Variants in CSMD1 observed in about 807,000 individuals in gnomAD.
The protein encoded by CSMD1 is CUB and sushi domain-containing protein 1.
CSMD1 carries 213 observed loss-of-function variants against 417.5 expected under a neutral mutation model. The ratio of observed to expected loss-of-function variants is 0.51; its 90% confidence interval spans 0.46 to 0.57. CSMD1 has a LOEUF of 0.57. Ranked by LOEUF, CSMD1 falls within the 20% of genes least tolerant of loss-of-function variation. The pLI is 0.00. For missense variants in CSMD1, 6,923 were observed against 4,529.7 expected, an observed-to-expected ratio of 1.53 and a Z score of -15.17; for synonymous variants, 2,862 against 1,736.8, an observed-to-expected ratio of 1.65 and a Z score of -16.11.
At chr8:3,592,366 A>C (rs2449177) in intron 8 of CSMD1, among the ~76,000 whole-genome samples, 1 of 152,156 alleles carries the variant, frequency 6.6e-6, no homozygotes, top group African/African-American at 2.4e-5. Context: ...GTAGGCATTT[A>C]AACATTTTTG....
At chr8:3,067,096 G>C (rs1323140161) in intron 49 of CSMD1, among the ~76,000 whole-genome samples, 1 of 151,898 alleles carries the variant, frequency 6.6e-6, no homozygotes, top group Admixed American at 6.6e-5. Flanking sequence ...CACAGAACAA[G>C]AGGTCAATAC....
At chr8:2,940,010 C>G (rs1485485924) in intron 69 of CSMD1, among the ~76,000 whole-genome samples, 4 of 152,192 alleles carry the variant, frequency 2.6e-5, no homozygotes, top group Admixed American at 1.3e-4. Flanking sequence ...AGAAGGCTGT[C>G]AGCACCTTGG....
At chr8:3,915,427 A>AAAAG (rs1808751508) in intron 5 of CSMD1, among the ~76,000 whole-genome samples, 1 of 145,786 alleles carries the variant, frequency 6.9e-6, no homozygotes, top group South Asian at 2.2e-4. Flanking sequence ...AAAAAAAAAA[A>AAAAG]AGAGTTTAGC....
intron 3 of CSMD1, among the ~76,000 whole-genome samples, chr8:4,294,793 C>G (rs531859582): frequency 1.5e-4 from 22 of 151,662 alleles, no homozygotes; most frequent in African/African-American, 4.6e-4. Context: ...AAATAAAAAC[C>G]TGGAAAAAAG....
intron 1 of CSMD1, among the ~76,000 whole-genome samples, chr8:4,778,427 T>C (rs1796982492): frequency 1.3e-5 from 2 of 152,216 alleles, no homozygotes; most frequent in African/African-American, 4.8e-5. Context: ...GGTGGTAATT[T>C]GAAGTACCTG....
chr8:3,204,306 C>G (rs934756066), intron 31 of CSMD1, among the ~76,000 whole-genome samples: 2 of 151,786 alleles, frequency 1.3e-5, no homozygotes, highest in Admixed American at 1.3e-4. Context: ...AATATGGCTG[C>G]TAAATTCCAT....
intron 4 of CSMD1, among the ~76,000 whole-genome samples, chr8:4,002,155 C>G (rs897324655): frequency 3.9e-5 from 6 of 151,984 alleles, no homozygotes; most frequent in South Asian, 2.1e-4. Context: ...GCTTAAATCA[C>G]AGAAAATCTT....
At chr8:3,742,414 G>A (rs1453365275) in intron 6 of CSMD1, among the ~76,000 whole-genome samples, 2 of 152,182 alleles carry the variant, frequency 1.3e-5, no homozygotes, top group East Asian at 1.9e-4. Flanking sequence ...CCTGCAGAAA[G>A]AGTCAGTAAA....
intron 2 of CSMD1, among the ~76,000 whole-genome samples, chr8:4,525,013 G>C (rs932533393): frequency 1.3e-5 from 2 of 152,066 alleles, no homozygotes; most frequent in Admixed American, 1.3e-4. Flanking sequence ...AATAATTGCA[G>C]TTTATATTTT....
intron 5 of CSMD1, among the ~76,000 whole-genome samples, chr8:3,900,905 C>T (rs140694709): frequency 6.0e-4 from 91 of 152,326 alleles, no homozygotes; most frequent in Middle Eastern, 3.4e-3. Context: ...GATCTGAGTC[C>T]TCGTGCATCC....
intron 6 of CSMD1, among the ~76,000 whole-genome samples, chr8:3,726,729 G>C (rs961423742): frequency 2.0e-5 from 3 of 152,172 alleles, no homozygotes; most frequent in African/African-American, 4.8e-5. Flanking sequence ...TTGAATACCA[G>C]AGGGAACTTG....
chr8:4,663,043 G>T (rs1189584390), intron 1 of CSMD1, among the ~76,000 whole-genome samples: 1 of 152,128 alleles, frequency 6.6e-6, no homozygotes, highest in Non-Finnish European at 1.5e-5. Flanking sequence ...TTCCAGCCCA[G>T]AGCTGACTAA....
At chr8:3,010,418 T>G (rs181131390) in intron 52 of CSMD1, among the ~76,000 whole-genome samples, 408 of 152,300 alleles carry the variant, frequency 2.7e-3, no homozygotes, top group African/African-American at 9.4e-3. Context: ...GTGTCAGAGT[T>G]ATCAGATCTT....
At chr8:4,146,594 A>ATTTTTTTTTTTTTTTTTTTTTTTTTT (rs71205423) in intron 3 of CSMD1, among the ~76,000 whole-genome samples, 1 of 64,244 alleles carries the variant, frequency 1.6e-5, no homozygotes, top group Non-Finnish European at 2.6e-5. Context: ...ATATGGACAC[A>ATTTTTTTTTTTTTTTTTTTTTTTTTT]TTTTTTTTTT....
chr8:3,018,346 G>A (rs1017819943), intron 52 of CSMD1, 131 bp downstream of exon 52: 2 of 748,376 alleles, frequency 2.7e-6, no homozygotes, highest in Non-Finnish European at 4.2e-6. Flanking sequence ...AAATCACACT[G>A]GGAGGTGCAG....
rs75234842 is a variant in CSMD1, at chr8:4,686,819, G to A, written c.86-49261C>T. 2.0e-5 allele frequency among the ~76,000 whole-genome samples: 3 copies of A among 152,202 alleles called. No individual in the cohort carries two copies. In the South Asian group the frequency reaches 6.2e-4, roughly 31 times the overall value. ...CATTTGAAAGGTTAGAACCATGAAA[G>A]CCTCAAGATGCAATGAGCTGCAGGG... On this transcript the variant is annotated intron_variant, in intron 1 of 69. Coordinates refer to ENST00000635120, the MANE Select transcript of CSMD1 (RefSeq NM_033225.6).
intron 7 of CSMD1, among the ~76,000 whole-genome samples, chr8:3,618,747 T>C (rs1049609009): frequency 1.3e-5 from 2 of 152,076 alleles, no homozygotes; most frequent in African/African-American, 4.8e-5. Context: ...AAATGCCCAA[T>C]GAAGAAAAAG....
Position 4,042,650 on chromosome 8 carries a change from G to C in CSMD1, c.416-10551C>G, listed in dbSNP as rs191512889. On this transcript the variant is annotated intron_variant, in intron 3 of 69. Coordinates refer to ENST00000635120, the MANE Select transcript of CSMD1 (RefSeq NM_033225.6). ...AAAATATATTTTATTTTAAAAATCT[G>C]TTTAAAACACTATTAGCTGTTTAAA... 2.5e-3 allele frequency among the ~76,000 whole-genome samples: 379 copies of C among 151,548 alleles called. 2 individuals carry two copies. Among genetic ancestry groups the C allele is most frequent in the African/African-American group, 9.0e-3 (372 of 41,312 alleles).
At chr8:4,742,343 G>A (rs973596292) in intron 1 of CSMD1, among the ~76,000 whole-genome samples, 1 of 151,766 alleles carries the variant, frequency 6.6e-6, no homozygotes, top group African/African-American at 2.4e-5. Flanking sequence ...GCTGAATTTT[G>A]AGAAGCACAT....
Sources: gnomAD v4.1 joint callset for allele counts (sites outside exome capture counted in the v4.1 genomes callset) on GRCh38, gnomAD v4.1.1 for gene constraint, MANE v1.5 for transcripts, NCBI Gene and HGNC (gene_info 2026-07-23, HGNC 2026-07-21) for gene names.